The following KIRREL1 variants were observed in gnomAD, a reference collection of about 807,000 sequenced individuals.
KIRREL1 encodes kin of IRRE-like protein 1.
KIRREL1 carries 25 observed loss-of-function variants against 83.3 expected under a neutral mutation model. The observed-to-expected ratio is 0.30, with a 90% CI of 0.22 to 0.42. KIRREL1 has a LOEUF of 0.42. Among genes scored for constraint, KIRREL1 ranks in the 10% least tolerant of loss-of-function variants. The pLI, the probability that KIRREL1 is intolerant of heterozygous loss-of-function variation, is 1.00. For missense variants in KIRREL1, 812 were observed against 1,032.3 expected, an observed-to-expected ratio of 0.79 and a Z score of 2.92; for synonymous variants, 388 against 410.4, an observed-to-expected ratio of 0.95 and a Z score of 0.66.
At chr1:158,086,476 G>T in intron 4 of KIRREL1, 120 bp from the exon 5 acceptor site, 1 of 897,794 alleles carries the variant, frequency 1.1e-6, no homozygotes, top group East Asian at 2.7e-5. Context: ...GGAGTGAAGG[G>T]GATTGAGCTT....
At chr1:158,057,172 G>A (rs1661088487) in intron 1 of KIRREL1, among the ~76,000 whole-genome samples, 1 of 152,150 alleles carries the variant, frequency 6.6e-6, no homozygotes, top group Admixed American at 6.5e-5. Flanking sequence ...CCCCAGCACT[G>A]TGGCCTAACA....
chr1:158,018,847 C>T (rs1241560533), intron 1 of KIRREL1, among the ~76,000 whole-genome samples: 1 of 152,134 alleles, frequency 6.6e-6, no homozygotes, highest in Non-Finnish European at 1.5e-5. Flanking sequence ...ATCCAGCCAT[C>T]GATTGATGTG....
chr1:158,079,294 G>A (rs776870508), intron 3 of KIRREL1, among the ~76,000 whole-genome samples: 4 of 152,114 alleles, frequency 2.6e-5, no homozygotes, highest in Admixed American at 6.5e-5. Context: ...TACAAGGAAG[G>A]TTTTCTGTTG....
Position 158,091,552 on chromosome 1 carries a change from G to T in KIRREL1, c.1467G>T (p.Glu489Asp). 1 of 1,614,152 alleles carries T rather than the reference G, an allele frequency of 6.2e-7. No homozygotes were observed. The highest frequency in any genetic ancestry group is 1.7e-5 in the Admixed American group (1 of 60,022). Residue 489 changes from glutamate (E) to aspartate (D), a missense_variant, in exon 11 of 15, where the codon GAG becomes GAT. Around this residue, in one of 3 missense-constraint regions of KIRREL1, gnomAD observed 334 missense variants for 383.7 expected, o/e 0.87. Coordinates refer to ENST00000359209, the MANE Select transcript of KIRREL1 (RefSeq NM_018240.7). ...GPGTAIIQLE[E>D]REVLPVGIIA... is the part of the protein sequence containing the mutation. Reference sequence around the variant, plus strand: ...GCACAGCCATCATCCAGCTGGAAGAGCGAGGTGACTGGTAGTGCTGCCTGC... The same window carrying T: ...GCACAGCCATCATCCAGCTGGAAGATCGAGGTGACTGGTAGTGCTGCCTGC...
At chr1:158,006,153 T>C (rs1475225209) in intron 1 of KIRREL1, among the ~76,000 whole-genome samples, 2 of 152,198 alleles carry the variant, frequency 1.3e-5, no homozygotes, top group Non-Finnish European at 2.9e-5. Context: ...TGATGATTCC[T>C]TAAGAACCTC....
intron 3 of KIRREL1, among the ~76,000 whole-genome samples, chr1:158,078,901 C>A (rs1661764697): frequency 6.6e-6 from 1 of 152,176 alleles, no homozygotes; most frequent in Admixed American, 6.5e-5. Context: ...AGGGGACTCT[C>A]TCCTGCAGCA....
chr1:158,032,245 T>A (rs1660348744), intron 1 of KIRREL1, among the ~76,000 whole-genome samples: 1 of 152,148 alleles, frequency 6.6e-6, no homozygotes, highest in Non-Finnish European at 1.5e-5. Context: ...GGGATTCTCA[T>A]GGCTTCCACA....
chr1:158,002,323 G>T (rs1039272967), intron 1 of KIRREL1, among the ~76,000 whole-genome samples: 1 of 152,308 alleles, frequency 6.6e-6, no homozygotes, highest in East Asian at 1.9e-4. Flanking sequence ...GTCAAGGGGA[G>T]CCATCTGGTT....
intron 1 of KIRREL1, among the ~76,000 whole-genome samples, chr1:158,020,240 A>G (rs1336940615): frequency 6.6e-6 from 1 of 151,694 alleles, no homozygotes; most frequent in African/African-American, 2.4e-5. Context: ...TAGCCCATAC[A>G]TTTTCTCACC....
intron 1 of KIRREL1, among the ~76,000 whole-genome samples, chr1:158,027,053 G>A (rs1048376344): frequency 6.6e-6 from 1 of 152,122 alleles, no homozygotes; most frequent in African/African-American, 2.4e-5. Flanking sequence ...CCCCCAGGTT[G>A]AGGGCTCAGT....
intron 1 of KIRREL1, among the ~76,000 whole-genome samples, chr1:158,067,013 A>C (rs771230154): frequency 4.0e-4 from 61 of 152,134 alleles, no homozygotes; most frequent in Admixed American, 3.3e-4. Flanking sequence ...CCTTCCCATA[A>C]AACATTCTCA....
chr1:158,073,088 C>G (rs1302614164), intron 1 of KIRREL1, among the ~76,000 whole-genome samples: 1 of 152,114 alleles, frequency 6.6e-6, no homozygotes, highest in Admixed American at 6.5e-5. Context: ...GGCATCTGAA[C>G]TATATTTGGG....
chr1:158,011,501 G>C (rs76299813), intron 1 of KIRREL1, among the ~76,000 whole-genome samples: 70 of 152,268 alleles, frequency 4.6e-4, no homozygotes, highest in African/African-American at 1.6e-3. Context: ...TGCTCTATTG[G>C]GCACTTCAGG....
Position 158,021,184 on chromosome 1 carries a change from T to C in KIRREL1, c.52+27456T>C, listed in dbSNP as rs187527076. Among the ~76,000 whole-genome samples, 130 of 152,316 alleles carry C rather than the reference T, an allele frequency of 8.5e-4. No individual in the cohort carries two copies. In the Middle Eastern group the frequency reaches 0.014, roughly 16 times the overall value. On this transcript the variant is annotated intron_variant, in intron 1 of 14. Coordinates refer to ENST00000359209, the MANE Select transcript of KIRREL1 (RefSeq NM_018240.7). Reference sequence around the variant, plus strand: ...ATCCTAGGGCTCTTAATTTTTTTCTTGGTGGAATCATAAAATCCTTTTGGT... The same window carrying C: ...ATCCTAGGGCTCTTAATTTTTTTCTCGGTGGAATCATAAAATCCTTTTGGT...
At chr1:158,078,288 A>G in intron 3 of KIRREL1, 148 bp downstream of exon 3, 1 of 934,090 alleles carries the variant, frequency 1.1e-6, no homozygotes, top group East Asian at 2.5e-5. Flanking sequence ...AAGTCCAGGT[A>G]GAAGAAAGTA....
rs530821260 is a variant in KIRREL1, at chr1:158,071,719, C to T, written c.53-4394C>T. On this transcript the variant is annotated intron_variant, in intron 1 of 14. Transcript: ENST00000359209. ...ACTGGTTTTATTTCCTGGAAGGGGG[C>T]GCAGGCATAGGGACGGGATTGAAAT... Among the ~76,000 whole-genome samples, 135 of 152,110 alleles carry T rather than the reference C, an allele frequency of 8.9e-4. 1 individual carries two copies. Among genetic ancestry groups the T allele is most frequent in the Non-Finnish European group, 1.6e-3 (108 of 67,998 alleles).
At chr1:158,014,757 A>G (rs959623273) in intron 1 of KIRREL1, among the ~76,000 whole-genome samples, 2 of 150,868 alleles carry the variant, frequency 1.3e-5, no homozygotes, top group African/African-American at 4.9e-5. Flanking sequence ...TGCTACATGG[A>G]TAACTAAGTT....
At chr1:158,089,919 G>A in intron 10 of KIRREL1, 101 bp downstream of exon 10, 2 of 958,280 alleles carry the variant, frequency 2.1e-6, no homozygotes, top group African/African-American at 1.6e-5. Context: ...CAACTTCCCT[G>A]TCCCGTTTCC....
intron 1 of KIRREL1, among the ~76,000 whole-genome samples, chr1:158,072,668 G>A (rs919034133): frequency 6.6e-6 from 1 of 152,060 alleles, no homozygotes; most frequent in African/African-American, 2.4e-5. Context: ...CTCAGTGAGA[G>A]GAGGAACAAT....
Sources: gnomAD v4.1 joint callset for allele counts (sites outside exome capture counted in the v4.1 genomes callset) on GRCh38, gnomAD v4.1.1 for gene constraint, gnomAD v4.1.1 regional missense constraint, MANE v1.5 for transcripts, NCBI Gene and HGNC (gene_info 2026-07-23, HGNC 2026-07-21) for gene names.